TIMD4: variants seen among roughly 807,000 people sequenced by gnomAD.
The protein encoded by TIMD4 is T cell immunoglobulin and mucin domain containing 4, also known as T-cell immunoglobulin and mucin domain-containing protein 4.
In TIMD4, 31 loss-of-function variants were observed where a neutral mutation model predicts 41.2. The ratio of observed to expected loss-of-function variants is 0.75; its 90% CI spans 0.57 to 1.01. The LOEUF is 1.01. Ranked by LOEUF, TIMD4 falls within the 50% of genes least tolerant of loss-of-function variation. The pLI is 0.00. For synonymous variants in TIMD4, 204 were observed against 177.1 expected (o/e 1.15, Z -1.21); for missense variants, 479 against 472.5 (o/e 1.01, Z -0.13).
chr5:156,939,896 C>T (rs1256478275), intron 5 of TIMD4, among the ~76,000 whole-genome samples: 41 of 152,194 alleles, frequency 2.7e-4, no homozygotes, highest in Non-Finnish European at 1.5e-5. Context: ...CTTGCCACAG[C>T]AATTTTTCCT....
chr5:156,940,197 A>T (rs1349916836), intron 5 of TIMD4, among the ~76,000 whole-genome samples: 1 of 152,176 alleles, frequency 6.6e-6, no homozygotes, highest in African/African-American at 2.4e-5. Context: ...ACCTCGAGTG[A>T]TCTGCCCGCC....
At chr5:156,937,880 A>G (rs1759569461) in intron 5 of TIMD4, among the ~76,000 whole-genome samples, 2 of 152,250 alleles carry the variant, frequency 1.3e-5, no homozygotes, top group South Asian at 2.1e-4. Context: ...CATGAGAGAT[A>G]AAACAAATCT....
chr5:156,959,655 A>G (rs907841572), intron 1 of TIMD4, among the ~76,000 whole-genome samples: 1 of 152,130 alleles, frequency 6.6e-6, no homozygotes, highest in African/African-American at 2.4e-5. Context: ...ATTGCCATCT[A>G]CAGAGTGAAG....
At chr5:156,945,285 A>T (rs929285807) in intron 5 of TIMD4, among the ~76,000 whole-genome samples, 4 of 152,194 alleles carry the variant, frequency 2.6e-5, no homozygotes, top group Non-Finnish European at 5.9e-5. Context: ...GGGCTCTAAA[A>T]TGGAGGTGAG....
chr5:156,919,895 G>A (rs73813906), intron 8 of TIMD4, among the ~76,000 whole-genome samples: 2,237 of 152,260 alleles, frequency 0.015, 61 homozygotes, highest in African/African-American at 0.049. Context: ...ATTAGTGAAT[G>A]CAATTAATTA....
intron 5 of TIMD4, among the ~76,000 whole-genome samples, chr5:156,936,214 G>A (rs1400363298): frequency 6.6e-6 from 1 of 152,156 alleles, no homozygotes; most frequent in African/African-American, 2.4e-5. Context: ...ACTCCAGCCT[G>A]AGCTGCAGAA....
At chr5:156,942,325 C>T (rs529533867) in intron 5 of TIMD4, among the ~76,000 whole-genome samples, 4 of 152,314 alleles carry the variant, frequency 2.6e-5, no homozygotes, top group Admixed American at 2.0e-4. Flanking sequence ...CAACTCTGCA[C>T]GGGGTCAGGA....
chr5:156,938,960 C>CTAGCTCCTTAGCTGGCTTAGGAG (rs1759589658), intron 5 of TIMD4, among the ~76,000 whole-genome samples: 1 of 152,178 alleles, frequency 6.6e-6, no homozygotes, highest in African/African-American at 2.4e-5. Flanking sequence ...GTCTTCCTGT[C>CTAGCTCCTTAGCTGGCTTAGGAG]TAGCTCCTTA....
chr5:156,956,036 G>C (rs1053691678), intron 1 of TIMD4, among the ~76,000 whole-genome samples: 1 of 152,118 alleles, frequency 6.6e-6, no homozygotes, highest in Non-Finnish European at 1.5e-5. Flanking sequence ...ATTAATTACT[G>C]TGGTCACCAT....
chr5:156,928,806 CT>C (rs1202969411), intron 5 of TIMD4, among the ~76,000 whole-genome samples: 1 of 152,140 alleles, frequency 6.6e-6, no homozygotes, highest in African/African-American at 2.4e-5. Flanking sequence ...CAATTATCCC[CT>C]AGAGCTGAAA....
At chr5:156,961,396 A>C (rs1753040183) in intron 1 of TIMD4, among the ~76,000 whole-genome samples, 1 of 152,250 alleles carries the variant, frequency 6.6e-6, no homozygotes, top group Admixed American at 6.5e-5. Context: ...ATCCCAAAGA[A>C]AGGAAATCAA....
At chr5:156,951,001 TC>T (rs986831022) in intron 3 of TIMD4, among the ~76,000 whole-genome samples, 1 of 117,394 alleles carries the variant, frequency 8.5e-6, no homozygotes, top group Non-Finnish European at 1.8e-5. Context: ...TGAAAACACC[TC>T]CTCGTACACA....
chr5:156,951,494 CA>C lies in TIMD4; in HGVS notation c.679+17del. 1 of 1,613,580 alleles carries C rather than the reference CA, an allele frequency of 6.2e-7. No individual in the cohort carries two copies. The highest frequency in any genetic ancestry group is 8.5e-7 in the Non-Finnish European group (1 of 1,179,742). Reference sequence around the variant, plus strand: ...TGAGACAGCACTGTTCTAAGAAACCCAAGATACATCTGCGTACCTGCAGTGA... The same window carrying C: ...TGAGACAGCACTGTTCTAAGAAACCCAGATACATCTGCGTACCTGCAGTGA... On this transcript the variant is annotated intron_variant, in intron 3 of 8. Transcript: ENST00000274532.
rs1344714697 is a variant in TIMD4, at chr5:156,922,137, A to C, written c.974T>G (p.Phe325Cys). ...CGCCACAAACAATGCGAAGAGCACA[A>C]ATCCCAAGGAGGGGGCGATGATCAT... The part of the protein sequence containing the change: ...LLMIIAPSLG[F>C]VLFALFVAFL... The change falls in exon 7 of 9, where the codon TTT becomes TGT. Residue 325 changes from phenylalanine (F) to cysteine (C), a missense_variant. Transcript: ENST00000274532. 6 of 1,613,892 alleles carry C rather than the reference A, an allele frequency of 3.7e-6. No homozygotes were observed. Among genetic ancestry groups the C allele is most frequent in the Non-Finnish European group, 5.1e-6 (6 of 1,179,946 alleles).
At chr5:156,961,808 CAAAAAAAAAAAAA>C (rs71578911) in intron 1 of TIMD4, among the ~76,000 whole-genome samples, 7 of 27,988 alleles carry the variant, frequency 2.5e-4, no homozygotes, top group Admixed American at 7.3e-4. Context: ...GACTCCGTCT[CAAAAAAAAAAAAA>C]AAAAAAAAAA....
intron 5 of TIMD4, among the ~76,000 whole-genome samples, chr5:156,940,204 C>T (rs10053154): frequency 0.014 from 2,067 of 152,358 alleles, 46 homozygotes; most frequent in African/African-American, 0.047. Flanking sequence ...GTGATCTGCC[C>T]GCCTCGGCCT....
Position 156,927,197 on chromosome 5 carries a change from C to T in TIMD4, c.845-885G>A, listed in dbSNP as rs569296328. On this transcript the variant is annotated intron_variant, in intron 5 of 8. Coordinates refer to ENST00000274532, the MANE Select transcript of TIMD4 (RefSeq NM_138379.3). ...GAATAAAGTGTCATGAGGACAGAGT[C>T]CCTGTCTGCTTGTTCACTACTGAGA... is the stretch of plus-strand genomic sequence containing the variant. Among the ~76,000 whole-genome samples the T allele has an allele frequency of 2.6e-5, 4 of 152,364 alleles. No homozygotes were observed. The South Asian group carries it at 6.2e-4, about 24-fold the overall frequency.
rs755118459 is a variant in TIMD4 at position 156,922,326 on chromosome 5, T to C, written c.895-110A>G. ...ACAACCACCAGCAGTTTCACTACAT[T>C]TCACCACCTTTTGTCAAAAATCTCT... On this transcript the variant is annotated intron_variant, in intron 6 of 8. Coordinates refer to ENST00000274532, the MANE Select transcript of TIMD4 (RefSeq NM_138379.3). 1.7e-4 allele frequency: 150 copies of C among 884,528 alleles called. 1 individual carries two copies. The highest frequency in any genetic ancestry group is 7.1e-4 in the Admixed American group (32 of 45,366). The allele number at this position is 884,528 out of a possible 1,614,324, so 54.8% of individuals were successfully genotyped here.
intron 1 of TIMD4, among the ~76,000 whole-genome samples, chr5:156,960,640 C>T (rs12658558): frequency 0.028 from 4,333 of 152,192 alleles, 188 homozygotes; most frequent in Admixed American, 0.11. Context: ...TTCCTGACCT[C>T]GGGTGATCCA....
Sources: allele counts gnomAD v4.1 joint callset (sites outside exome capture counted in the v4.1 genomes callset), GRCh38; gene constraint gnomAD v4.1.1; transcripts MANE v1.5; gene names NCBI Gene and HGNC (gene_info 2026-07-23, HGNC 2026-07-21).